TANGO6: variants seen among roughly 807,000 people sequenced by gnomAD.
TANGO6 encodes the protein transport and Golgi organization protein 6 homolog.
Under a neutral mutation model 114.2 loss-of-function variants are expected in TANGO6, and 90 were observed. The observed-to-expected ratio is 0.79, with a 90% CI of 0.66 to 0.94. The LOEUF (loss-of-function observed/expected upper bound fraction) is 0.94. TANGO6 is among the 40% of genes least tolerant of loss of function. The probability of loss-of-function intolerance (pLI) is 0.00; values close to 1 mark genes in which losing one functional copy is unlikely to be tolerated. For missense variants in TANGO6, 1,274 were observed against 1,315.3 expected (o/e 0.97, Z 0.49); for synonymous variants, 477 against 509.8 (o/e 0.94, Z 0.87).
chr16:68,930,626 G>T (rs565417782), intron 14 of TANGO6, among the ~76,000 whole-genome samples: 1 of 150,712 alleles, frequency 6.6e-6, no homozygotes, highest in Non-Finnish European at 1.5e-5. Flanking sequence ...TATGTTAGTC[G>T]GCTACTGTCT....
intron 14 of TANGO6, among the ~76,000 whole-genome samples, chr16:68,950,564 TA>T (rs932725455): frequency 1.6e-4 from 22 of 137,512 alleles, no homozygotes; most frequent in East Asian, 6.5e-4. Context: ...GACTCTGTTT[TA>T]AAAAAAAAAT....
chr16:68,885,151 C>T (rs376799043), intron 7 of TANGO6, among the ~76,000 whole-genome samples: 72 of 152,172 alleles, frequency 4.7e-4, no homozygotes, highest in African/African-American at 1.7e-3. Context: ...AGGAAAATAT[C>T]GGGGATGGGT....
intron 2 of TANGO6, 43 bp downstream of exon 2, chr16:68,860,567 T>G: frequency 6.3e-7 from 1 of 1,592,118 alleles, no homozygotes; most frequent in Non-Finnish European, 8.6e-7. Flanking sequence ...ATTGTGTGTG[T>G]ATGAATGTGT....
intron 16 of TANGO6, among the ~76,000 whole-genome samples, chr16:69,032,087 G>A (rs1597065329): frequency 1.3e-5 from 2 of 152,212 alleles, no homozygotes; most frequent in East Asian, 3.9e-4. Context: ...GGCTTCACGT[G>A]CTGGAGAACA....
At chr16:69,070,217 GA>G (rs780828028) in intron 17 of TANGO6, among the ~76,000 whole-genome samples, 1 of 151,240 alleles carries the variant, frequency 6.6e-6, no homozygotes, top group Non-Finnish European at 1.5e-5. Context: ...CAAAAAAAAA[GA>G]AAAAGAAAAG....
intron 11 of TANGO6, among the ~76,000 whole-genome samples, chr16:68,914,702 C>G (rs1430626391): frequency 6.6e-6 from 1 of 152,102 alleles, no homozygotes; most frequent in East Asian, 1.9e-4. Flanking sequence ...CAGTCACACA[C>G]CTATTCTTGT....
chr16:68,968,697 G>A (rs1266001725), intron 14 of TANGO6, among the ~76,000 whole-genome samples: 1 of 124,808 alleles, frequency 8.0e-6, no homozygotes, highest in Non-Finnish European at 1.6e-5. Context: ...TTGAGACGGA[G>A]TCTTGCTCTG....
At chr16:68,968,303 A>G (rs1264091787) in intron 14 of TANGO6, among the ~76,000 whole-genome samples, 1 of 151,112 alleles carries the variant, frequency 6.6e-6, no homozygotes, top group African/African-American at 2.4e-5. Context: ...TGACTTCGTG[A>G]TCCACCCACC....
At chr16:68,882,434 T>A (rs1363169928) in intron 7 of TANGO6, among the ~76,000 whole-genome samples, 1 of 151,922 alleles carries the variant, frequency 6.6e-6, no homozygotes, top group African/African-American at 2.4e-5. Context: ...AAGGCAGAGC[T>A]TGCAGTGAGC....
At chr16:68,953,612 C>A (rs1472268791) in intron 14 of TANGO6, among the ~76,000 whole-genome samples, 2 of 152,150 alleles carry the variant, frequency 1.3e-5, no homozygotes, top group African/African-American at 4.8e-5. Flanking sequence ...TCCAACTTTA[C>A]TAGATAAAGG....
intron 9 of TANGO6, among the ~76,000 whole-genome samples, chr16:68,904,563 T>G (rs778453253): frequency 6.6e-6 from 1 of 152,232 alleles, no homozygotes; most frequent in Non-Finnish European, 1.5e-5. Context: ...GCCAAATTAG[T>G]AATTGTACTT....
chr16:69,028,664 T>G (rs1046840961), intron 16 of TANGO6, among the ~76,000 whole-genome samples: 1 of 151,586 alleles, frequency 6.6e-6, no homozygotes, highest in Non-Finnish European at 1.5e-5. Flanking sequence ...AAAAATAAAG[T>G]GTACAACTCA....
chr16:68,881,679 A>C (rs181254925), intron 7 of TANGO6, among the ~76,000 whole-genome samples: 1 of 152,334 alleles, frequency 6.6e-6, no homozygotes, highest in Non-Finnish European at 1.5e-5. Context: ...TAAATATATA[A>C]CAAGAATGAA....
chr16:68,978,262 T>C (rs1963784782), intron 15 of TANGO6, among the ~76,000 whole-genome samples: 1 of 152,210 alleles, frequency 6.6e-6, no homozygotes, highest in African/African-American at 2.4e-5. Flanking sequence ...AGAGTCCCCA[T>C]TGGCCAGTCC....
intron 14 of TANGO6, among the ~76,000 whole-genome samples, chr16:68,957,778 A>G (rs1283501889): frequency 6.6e-6 from 1 of 152,204 alleles, no homozygotes; most frequent in African/African-American, 2.4e-5. Context: ...GAAATACAAG[A>G]TAAGTTTGAA....
In TANGO6 at chr16:69,083,783, G is replaced by GT. The variant is rs1960501224; in HGVS notation, c.*126dup. On this transcript the variant is annotated 3_prime_UTR_variant, in exon 18 of 18. Coordinates refer to ENST00000261778, the MANE Select transcript of TANGO6 (RefSeq NM_024562.2). ...GGCAGCATGGCTGACCCTCGGGGTGGTTTTATGGTGCAGGTCACTTGGGTC... is the reference window on the plus strand; with the variant it reads ...GGCAGCATGGCTGACCCTCGGGGTGGTTTTTATGGTGCAGGTCACTTGGGTC... 8.7e-7 allele frequency: 1 copy of GT among 1,145,282 alleles called. No homozygotes were observed. The highest frequency in any genetic ancestry group is 1.2e-6 in the Non-Finnish European group (1 of 827,216). The allele number at this position is 1,145,282 out of a possible 1,614,324, so 70.9% of individuals were successfully genotyped here. A position where few individuals can be genotyped will look rare whatever the true frequency, so the allele number is the denominator to read the frequency against.
intron 15 of TANGO6, among the ~76,000 whole-genome samples, chr16:69,019,825 A>AC (rs1175896807): frequency 6.6e-6 from 1 of 152,246 alleles, no homozygotes; most frequent in Non-Finnish European, 1.5e-5. Context: ...GGCATGAGCC[A>AC]CCGTGCCCAG....
rs75311231 is a variant in TANGO6, at chr16:69,016,435, G to C, written c.2843-6393G>C. On this transcript the variant is annotated intron_variant, in intron 15 of 17. Coordinates refer to ENST00000261778, the MANE Select transcript of TANGO6 (RefSeq NM_024562.2). ...AAAGATTTGCCGGATGAATGAATGA[G>C]ATACCTCTTAGTGTCCTTCCTGAAG... 9.5e-3 allele frequency among the ~76,000 whole-genome samples: 1,437 copies of C among 152,052 alleles called. 22 individuals carry two copies. Among genetic ancestry groups the C allele is most frequent in the African/African-American group, 0.033 (1,362 of 41,480 alleles).
intron 14 of TANGO6, among the ~76,000 whole-genome samples, chr16:68,949,885 A>G (rs1744195584): frequency 6.6e-6 from 1 of 152,146 alleles, no homozygotes; most frequent in Admixed American, 6.6e-5. Flanking sequence ...GAAACAACAT[A>G]CATATTAATA....
Sources: allele counts gnomAD v4.1 joint callset (sites outside exome capture counted in the v4.1 genomes callset), GRCh38; gene constraint gnomAD v4.1.1; transcripts MANE v1.5; gene names NCBI Gene and HGNC (gene_info 2026-07-23, HGNC 2026-07-21).